The following SMARCB1 variants were observed in gnomAD, a reference collection of about 807,000 sequenced individuals.
SMARCB1 encodes SWI/SNF related BAF chromatin remodeling complex subunit B1, also known as SWI/SNF-related matrix-associated actin-dependent regulator of chromatin subfamily B member 1.
In SMARCB1, 5 loss-of-function variants were observed where a neutral mutation model predicts 49.0. The ratio of observed to expected loss-of-function variants is 0.10; its 90% CI spans 0.05 to 0.21. SMARCB1 has a LOEUF of 0.21. Among genes scored for constraint, SMARCB1 ranks in the 10% least tolerant of loss-of-function variants. The pLI, the probability that SMARCB1 is intolerant of heterozygous loss-of-function variation, is 1.00. For synonymous variants in SMARCB1, 201 were observed against 200.1 expected (o/e 1.00, Z -0.04); for missense variants, 226 against 509.2 (o/e 0.44, Z 5.35).
chr22:23,797,339 C>T (rs1368672866), intron 3 of SMARCB1, among the ~76,000 whole-genome samples: 13 of 148,518 alleles, frequency 8.8e-5, no homozygotes, highest in East Asian at 7.9e-4. Context: ...GACGGAGTTT[C>T]GCTCTGTCGC....
At chr22:23,810,164 T>G (rs1367257223) in intron 5 of SMARCB1, among the ~76,000 whole-genome samples, 1 of 142,648 alleles carries the variant, frequency 7.0e-6, no homozygotes, top group Non-Finnish European at 1.5e-5. Flanking sequence ...AGAGCGAGAC[T>G]CCAACTCAAA....
intron 6 of SMARCB1, 76 bp downstream of exon 6, chr22:23,817,012 A>C (rs1357876259): frequency 1.6e-6 from 2 of 1,218,596 alleles, no homozygotes; most frequent in African/African-American, 1.5e-5. Flanking sequence ...CTGAGGGTAC[A>C]CCAAGGCCTC....
At chr22:23,787,374 C>G in intron 1 of SMARCB1, 112 bp downstream of exon 1, 3 of 504,820 alleles carry the variant, frequency 5.9e-6, no homozygotes, top group East Asian at 3.7e-5. Context: ...CGGGCGCGCG[C>G]GCGCGCGCTC....
intron 7 of SMARCB1, among the ~76,000 whole-genome samples, chr22:23,826,871 G>C (rs927995410): frequency 6.6e-6 from 1 of 152,212 alleles, no homozygotes; most frequent in African/African-American, 2.4e-5. Flanking sequence ...CTGAGATCCT[G>C]TGACCTGCCC....
intron 5 of SMARCB1, among the ~76,000 whole-genome samples, chr22:23,812,159 A>G (rs954603266): frequency 6.6e-6 from 1 of 152,228 alleles, no homozygotes; most frequent in African/African-American, 2.4e-5. Flanking sequence ...TTGTAATTTA[A>G]AAACCCCAAA....
Position 23,837,585 on chromosome 22 carries a change from G to A in SMARCB1, c.*3405G>A, listed in dbSNP as rs983273155. The A allele has an allele frequency of 1.3e-6, 2 of 1,495,232 alleles. No homozygotes were observed. The highest frequency in any genetic ancestry group is 4.7e-5 in the East Asian group (2 of 42,370). 92.6% of individuals were successfully genotyped at this position (1,495,232 alleles called of 1,614,324 possible). On this transcript the variant is annotated 3_prime_UTR_variant, in exon 9 of 9. Transcript: ENST00000644036. ...GAACTCCAGCAAGGATGGGAGAGGG[G>A]CCCCAGGGCATAAGCAGCGTGTCCT... is the stretch of plus-strand genomic sequence containing the variant.
rs535535629 is a variant in SMARCB1 at position 23,833,804 on chromosome 22, C to CA, written c.1118+102dup. On this transcript the variant is annotated intron_variant, in intron 8 of 8. Transcript: ENST00000644036. ...TCCCAGTCTCCCATGGTCTCTGAGA[C>CA]AGAGTACCTCTAGTGCTGCTAGAGG... The CA allele has an allele frequency of 3.3e-3, 4,447 of 1,367,014 alleles. 3 individuals are homozygous for CA. The highest frequency in any genetic ancestry group is 4.1e-3 in the Non-Finnish European group (3,988 of 965,104). The allele number at this position is 1,367,014 out of a possible 1,614,324, so 84.7% of individuals were successfully genotyped here. A position where few individuals can be genotyped will look rare whatever the true frequency, so the allele number is the denominator to read the frequency against.
In SMARCB1 at chr22:23,835,821, G is replaced by A. The variant is rs1023269228; in HGVS notation, c.*1641G>A. The A allele has an allele frequency of 3.9e-5, 38 of 985,334 alleles. No homozygotes were observed. The African/African-American group carries it at 4.0e-4, about 10-fold the overall frequency. The allele number at this position is 985,334 out of a possible 1,614,324, so 61.0% of individuals were successfully genotyped here. The stretch of plus-strand genomic sequence containing the variant: ...CCTTGGCTGCCTCACCCCACAGGTC[G>A]GGCAGGGCCACCTGGCTGGGAGGTG... On this transcript the variant is annotated 3_prime_UTR_variant, in exon 9 of 9. Transcript: ENST00000644036.
At chr22:23,799,045 A>G (rs1374123798) in intron 3 of SMARCB1, among the ~76,000 whole-genome samples, 1 of 147,548 alleles carries the variant, frequency 6.8e-6, no homozygotes, top group Non-Finnish European at 1.5e-5. Flanking sequence ...GCGAGACTCC[A>G]TCTCAAAAAA....
In SMARCB1 at chr22:23,835,513, G is replaced by A. The variant is rs1013280215; in HGVS notation, c.*1333G>A. 15 of 985,540 alleles carry A rather than the reference G, an allele frequency of 1.5e-5. No individual in the cohort carries two copies. The Admixed American group carries it at 3.1e-4, about 20-fold the overall frequency. 61.0% of individuals were successfully genotyped at this position (985,540 alleles called of 1,614,324 possible). A position where few individuals can be genotyped will look rare whatever the true frequency, so the allele number is the denominator to read the frequency against. On this transcript the variant is annotated 3_prime_UTR_variant, in exon 9 of 9. Transcript: ENST00000644036. Reference sequence around the variant, plus strand: ...TTGGTCGCTGAGATGTGAGAGGAGGGCTCCTTTGAGCACATGTTAGCATGG... The same window carrying A: ...TTGGTCGCTGAGATGTGAGAGGAGGACTCCTTTGAGCACATGTTAGCATGG...
At chr22:23,802,853 G>A (rs1045717677) in intron 4 of SMARCB1, 5 of 327,168 alleles carry the variant, frequency 1.5e-5, no homozygotes, top group South Asian at 1.3e-4. Flanking sequence ...CAGCATCCCT[G>A]ACCACTGCTC....
At chr22:23,790,787 G>A (rs1367909258) in intron 1 of SMARCB1, among the ~76,000 whole-genome samples, 1 of 152,154 alleles carries the variant, frequency 6.6e-6, no homozygotes, top group Non-Finnish European at 1.5e-5. Flanking sequence ...AGGCTGCAGT[G>A]AGCTATGATC....
At chr22:23,799,158 C>T (rs543093845) in intron 3 of SMARCB1, among the ~76,000 whole-genome samples, 1 of 152,154 alleles carries the variant, frequency 6.6e-6, no homozygotes, top group South Asian at 2.1e-4. Flanking sequence ...GACACACAGT[C>T]GCTGCCTGCT....
chr22:23,837,001 G>A lies in SMARCB1; in HGVS notation c.*2821G>A, dbSNP rs2031104459. ...CCCGTGTTGAGCACAGGCCAGCACA[G>A]GTCCCCATCGGTGGGGATCCTTCTG... On this transcript the variant is annotated 3_prime_UTR_variant, in exon 9 of 9. Transcript: ENST00000644036. 1 of 1,611,616 alleles carries A rather than the reference G, an allele frequency of 6.2e-7. No homozygotes were observed. Among genetic ancestry groups the A allele is most frequent in the African/African-American group, 1.3e-5 (1 of 74,808 alleles).
At chr22:23,812,079 A>G (rs1396866639) in intron 5 of SMARCB1, among the ~76,000 whole-genome samples, 2 of 152,238 alleles carry the variant, frequency 1.3e-5, no homozygotes, top group Non-Finnish European at 2.9e-5. Flanking sequence ...TGCAAAACAC[A>G]AAGTACCACA....
intron 1 of SMARCB1, among the ~76,000 whole-genome samples, 162 bp downstream of exon 1, chr22:23,787,424 GC>G (rs1401368317): frequency 2.6e-5 from 4 of 151,842 alleles, no homozygotes; most frequent in Admixed American, 6.5e-5. Context: ...GTCGGGTGTG[GC>G]CCCCGCCCCC....
At chr22:23,803,764 T>C in intron 5 of SMARCB1, 7 of 392,190 alleles carry the variant, frequency 1.8e-5, no homozygotes, top group South Asian at 1.5e-4. Context: ...CCTTGGGTCC[T>C]GTCCACCACT....
chr22:23,826,491 C>A (rs1274694701), intron 7 of SMARCB1, among the ~76,000 whole-genome samples: 1 of 151,682 alleles, frequency 6.6e-6, no homozygotes, highest in Non-Finnish European at 1.5e-5. Context: ...GACTGGGAAG[C>A]CCCGTGGTTC....
intron 1 of SMARCB1, among the ~76,000 whole-genome samples, chr22:23,789,290 A>G (rs1928220646): frequency 6.6e-6 from 1 of 152,244 alleles, no homozygotes; most frequent in Admixed American, 6.5e-5. Context: ...AATGGTCCTC[A>G]TTGGCCAGTA....
Sources: gnomAD v4.1 joint callset for allele counts (sites outside exome capture counted in the v4.1 genomes callset) on GRCh38, gnomAD v4.1.1 for gene constraint, MANE v1.5 for transcripts, NCBI Gene and HGNC (gene_info 2026-07-23, HGNC 2026-07-21) for gene names.